SUSD5: variants seen among roughly 807,000 people sequenced by gnomAD.
The protein encoded by SUSD5 is sushi domain-containing protein 5.
SUSD5 carries 33 observed loss-of-function variants against 29.5 expected under a neutral mutation model. That is an observed-to-expected ratio of 1.12 (90% CI 0.85 to 1.49). The LOEUF is 1.49. Ranked by LOEUF, SUSD5 falls within the 40% of genes most tolerant of loss-of-function variation. The probability of loss-of-function intolerance (pLI) is 0.00; values close to 1 mark genes in which losing one functional copy is unlikely to be tolerated. For synonymous variants in SUSD5, 308 were observed against 325.3 expected, an observed-to-expected ratio of 0.95 and a Z score of 0.57; for missense variants, 776 against 800.6, an observed-to-expected ratio of 0.97 and a Z score of 0.37.
At chr3:33,205,327 A>C (rs1233755539) in intron 3 of SUSD5, among the ~76,000 whole-genome samples, 2 of 152,158 alleles carry the variant, frequency 1.3e-5, no homozygotes, top group Non-Finnish European at 2.9e-5. Context: ...CTTAATCTAG[A>C]ACAGTTGCTT....
At chr3:33,207,466 T>C (rs895894905) in intron 3 of SUSD5, among the ~76,000 whole-genome samples, 1 of 152,186 alleles carries the variant, frequency 6.6e-6, no homozygotes, top group African/African-American at 2.4e-5. Context: ...CCTTCACACA[T>C]GACTGACAGG....
chr3:33,182,830 AAGCTGGAGTG>A, intron 3 of SUSD5, among the ~76,000 whole-genome samples: 1 of 152,128 alleles, frequency 6.6e-6, no homozygotes, highest in Non-Finnish European at 1.5e-5. Context: ...TCTGTCACCC[AAGCTGGAGTG>A]CAGTGGTGTG....
chr3:33,212,750 T>C (rs960792476), intron 2 of SUSD5, among the ~76,000 whole-genome samples: 2 of 152,182 alleles, frequency 1.3e-5, no homozygotes, highest in Non-Finnish European at 2.9e-5. Flanking sequence ...CCTCATGGCA[T>C]CTCAAGGCTA....
At chr3:33,187,730 GC>G (rs2031806908) in intron 3 of SUSD5, among the ~76,000 whole-genome samples, 1 of 150,418 alleles carries the variant, frequency 6.6e-6, no homozygotes, top group African/African-American at 2.5e-5. Flanking sequence ...GTATACATGT[GC>G]CATGTTGGTG....
chr3:33,206,064 T>C (rs948644498), intron 3 of SUSD5, among the ~76,000 whole-genome samples: 5 of 152,216 alleles, frequency 3.3e-5, no homozygotes, highest in African/African-American at 1.2e-4. Flanking sequence ...ACCCTCTGTT[T>C]ATGTTTAGAA....
intron 3 of SUSD5, among the ~76,000 whole-genome samples, chr3:33,178,401 T>C (rs1433982514): frequency 6.6e-6 from 1 of 152,208 alleles, no homozygotes; most frequent in Non-Finnish European, 1.5e-5. Flanking sequence ...TTGAAGATAA[T>C]TGCATCTATG....
intron 3 of SUSD5, among the ~76,000 whole-genome samples, chr3:33,198,330 A>G (rs185257201): frequency 1.4e-4 from 22 of 152,338 alleles, no homozygotes; most frequent in African/African-American, 5.3e-4. Context: ...CCAAGATTCA[A>G]ACCCAGGGAT....
In SUSD5 at chr3:33,178,439, T is replaced by TTTG. The variant is rs1201399010; in HGVS notation, c.410-3366_410-3365insCAA. ...CATGAGATACATTGGTCTGTAGTTT[T>TTTG]TTTTTTGTTGTTGTTTTGTTTTTTT... On this transcript the variant is annotated intron_variant, in intron 3 of 4. Coordinates refer to ENST00000309558, the MANE Select transcript of SUSD5 (RefSeq NM_015551.2). Among the ~76,000 whole-genome samples the TTTG allele has an allele frequency of 3.3e-5, 5 of 150,438 alleles. No homozygotes were observed. In the East Asian group the frequency reaches 7.9e-4, roughly 24 times the overall value.
intron 2 of SUSD5, among the ~76,000 whole-genome samples, chr3:33,210,235 A>C (rs1265537442): frequency 6.6e-6 from 1 of 152,192 alleles, no homozygotes; most frequent in Non-Finnish European, 1.5e-5. Flanking sequence ...ATCCGAATTC[A>C]TGGCTATAGA....
At chr3:33,190,055 A>G (rs2031860762) in intron 3 of SUSD5, among the ~76,000 whole-genome samples, 1 of 152,234 alleles carries the variant, frequency 6.6e-6, no homozygotes, top group Non-Finnish European at 1.5e-5. Flanking sequence ...AAAAAACTGA[A>G]CGTACTCATT....
chr3:33,187,845 T>A, intron 3 of SUSD5, among the ~76,000 whole-genome samples: 1 of 129,254 alleles, frequency 7.7e-6, no homozygotes, highest in Non-Finnish European at 1.6e-5. Flanking sequence ...GATGTTCCCC[T>A]TCCTGTGTCC....
intron 4 of SUSD5, among the ~76,000 whole-genome samples, chr3:33,163,870 GGCACCTGTA>G (rs2031245668): frequency 2.0e-5 from 3 of 152,116 alleles, no homozygotes; most frequent in Admixed American, 2.0e-4. Context: ...CATGGTGGCA[GGCACCTGTA>G]GTCCCAGCTA....
At chr3:33,215,558 A>G (rs2032414962) in intron 1 of SUSD5, among the ~76,000 whole-genome samples, 1 of 152,182 alleles carries the variant, frequency 6.6e-6, no homozygotes, top group Non-Finnish European at 1.5e-5. Context: ...TGACAACTCT[A>G]TGATATAGGT....
chr3:33,152,140 C>A lies in SUSD5; in HGVS notation c.*602G>T, dbSNP rs1186526298. Reference sequence around the variant, plus strand: ...ATTTTCTTTCTTCAAAAAGGTAATACTGTGATGTGGCTCACACCTGGAATC... The same window carrying A: ...ATTTTCTTTCTTCAAAAAGGTAATAATGTGATGTGGCTCACACCTGGAATC... On this transcript the variant is annotated 3_prime_UTR_variant, in exon 5 of 5. Transcript: ENST00000309558. The A allele has an allele frequency of 6.6e-6, 1 of 152,328 alleles. No individual in the cohort carries two copies. The highest frequency in any genetic ancestry group is 6.5e-5 in the Admixed American group (1 of 15,292). The allele number at this position is 152,328 out of a possible 1,614,324, so 9.4% of individuals were successfully genotyped here. A position where few individuals can be genotyped will look rare whatever the true frequency, so the allele number is the denominator to read the frequency against.
At position 33,153,113 on chromosome 3, in the gene SUSD5, GTGTC is replaced by G; in HGVS notation, c.1515_1518del (p.Gln505HisfsTer17). The G allele has an allele frequency of 6.2e-7, 1 of 1,613,914 alleles. No homozygotes were observed. The highest frequency in any genetic ancestry group is 8.5e-7 in the Non-Finnish European group (1 of 1,179,850). On this transcript the variant is annotated frameshift_variant, in exon 5 of 5. Coordinates refer to ENST00000309558, the MANE Select transcript of SUSD5 (RefSeq NM_015551.2). LOFTEE classifies it high-confidence loss of function. ...ATGATCGTTGAGGGGATGTGGTTAG[GTGTC>G]TGCTTGACAGTGTTCACTGTTAATA...
rs1015432327 is a variant in SUSD5 at position 33,152,543 on chromosome 3, T to C, written c.*199A>G. ...TCCAGGGCAGATGGTGGAGGAGACA[T>C]TGACATGAGTGATGATGTCACCAAA... On this transcript the variant is annotated 3_prime_UTR_variant, in exon 5 of 5. Transcript: ENST00000309558. The C allele has an allele frequency of 2.4e-5, 14 of 586,504 alleles. No homozygotes were observed. Among genetic ancestry groups the C allele is most frequent in the Middle Eastern group, 4.5e-4 (1 of 2,220 alleles). 36.3% of individuals were successfully genotyped at this position (586,504 alleles called of 1,614,324 possible). A position where few individuals can be genotyped will look rare whatever the true frequency, so the allele number is the denominator to read the frequency against.
intron 4 of SUSD5, among the ~76,000 whole-genome samples, chr3:33,155,996 T>G (rs1166937248): frequency 6.6e-6 from 1 of 152,180 alleles, no homozygotes; most frequent in Non-Finnish European, 1.5e-5. Context: ...TTCATTGGTT[T>G]GTTGCCTTAT....
chr3:33,166,034 A>T, intron 4 of SUSD5, among the ~76,000 whole-genome samples: 1 of 151,866 alleles, frequency 6.6e-6, no homozygotes, highest in East Asian at 1.9e-4. Flanking sequence ...AAAAGGAAAG[A>T]AAAGGAAAAC....
At chr3:33,183,214 T>C (rs1420371359) in intron 3 of SUSD5, among the ~76,000 whole-genome samples, 2 of 152,328 alleles carry the variant, frequency 1.3e-5, no homozygotes, top group South Asian at 2.1e-4. Context: ...TTAGTGTATC[T>C]AGACCATTGA....
Sources: allele counts gnomAD v4.1 joint callset (sites outside exome capture counted in the v4.1 genomes callset), GRCh38; gene constraint gnomAD v4.1.1; transcripts MANE v1.5; gene names NCBI Gene and HGNC (gene_info 2026-07-23, HGNC 2026-07-21).